Variants in DGKB observed in about 807,000 individuals in gnomAD.
DGKB encodes the protein 90 kDa diacylglycerol kinase.
Under a neutral mutation model 114.3 loss-of-function variants are expected in DGKB, and 67 were observed. The observed-to-expected ratio is 0.59, with a 90% CI of 0.48 to 0.72. The LOEUF (loss-of-function observed/expected upper bound fraction) is 0.72. Among genes scored for constraint, DGKB ranks in the 30% least tolerant of loss-of-function variants. The probability of loss-of-function intolerance (pLI) is 0.00; values close to 1 mark genes in which losing one functional copy is unlikely to be tolerated. For synonymous variants in DGKB, 398 were observed against 323.1 expected, an observed-to-expected ratio of 1.23 and a Z score of -2.49; for missense variants, 907 against 975.2, an observed-to-expected ratio of 0.93 and a Z score of 0.93.
At chr7:14,774,912 C>T (rs1000643192) in intron 2 of DGKB, among the ~76,000 whole-genome samples, 1 of 152,076 alleles carries the variant, frequency 6.6e-6, no homozygotes, top group Non-Finnish European at 1.5e-5. Flanking sequence ...TGCTATTAAG[C>T]TGAAGTGGCT....
At chr7:14,701,058 A>C (rs995330726) in intron 7 of DGKB, among the ~76,000 whole-genome samples, 23 of 152,116 alleles carry the variant, frequency 1.5e-4, no homozygotes, top group Admixed American at 1.1e-3. Context: ...CATATATTAC[A>C]AATAAACGTT....
At chr7:14,673,091 T>C (rs576893842) in intron 12 of DGKB, 64 bp from the exon 13 acceptor site, 8 of 882,052 alleles carry the variant, frequency 9.1e-6, no homozygotes, top group Non-Finnish European at 1.5e-5. Context: ...TGGGGGAGAT[T>C]ATATTTCAAT....
intron 23 of DGKB, among the ~76,000 whole-genome samples, chr7:14,226,651 C>T (rs535918811): frequency 5.3e-4 from 80 of 152,086 alleles, no homozygotes; most frequent in African/African-American, 1.8e-3. Context: ...ATGATTCATA[C>T]ACATATCAAA....
At chr7:14,943,863 C>T (rs1481602328) in intron 1 of DGKB, among the ~76,000 whole-genome samples, 1 of 151,856 alleles carries the variant, frequency 6.6e-6, no homozygotes. Flanking sequence ...AGTCAATTAA[C>T]TCCTTACCTG....
chr7:14,215,864 T>G (rs1788872432), intron 23 of DGKB, among the ~76,000 whole-genome samples: 1 of 152,192 alleles, frequency 6.6e-6, no homozygotes, highest in African/African-American at 2.4e-5. Context: ...AGTCAAACAT[T>G]AAAAAAATTT....
At chr7:14,363,609 C>T (rs771028880) in intron 21 of DGKB, among the ~76,000 whole-genome samples, 3 of 151,730 alleles carry the variant, frequency 2.0e-5, no homozygotes, top group Non-Finnish European at 2.9e-5. Flanking sequence ...TAGTGGGTTA[C>T]GGTTAGGTAT....
intron 17 of DGKB, among the ~76,000 whole-genome samples, chr7:14,591,379 A>G (rs1221232503): frequency 6.6e-6 from 1 of 152,054 alleles, no homozygotes; most frequent in African/African-American, 2.4e-5. Flanking sequence ...AATTTTTTTG[A>G]AATTAAAAAT....
intron 15 of DGKB, among the ~76,000 whole-genome samples, chr7:14,614,005 T>C (rs1806077677): frequency 6.6e-6 from 1 of 152,168 alleles, no homozygotes; most frequent in South Asian, 2.1e-4. Flanking sequence ...TAATCAAGTA[T>C]ATTTGCTAAG....
intron 8 of DGKB, among the ~76,000 whole-genome samples, chr7:14,697,757 A>AAAGAAAGC: frequency 6.9e-6 from 1 of 144,660 alleles, no homozygotes; most frequent in South Asian, 2.1e-4. Context: ...AGAAAGAAAG[A>AAAGAAAGC]AAGAAAGAAA....
chr7:14,729,296 G>A (rs1830544088), intron 5 of DGKB, among the ~76,000 whole-genome samples: 1 of 130,062 alleles, frequency 7.7e-6, no homozygotes, highest in Non-Finnish European at 1.8e-5. Flanking sequence ...CTAATTTTTT[G>A]TATTTTTAGT....
At chr7:14,472,059 ACTT>A (rs1250518915) in intron 21 of DGKB, among the ~76,000 whole-genome samples, 2 of 152,208 alleles carry the variant, frequency 1.3e-5, no homozygotes, top group Admixed American at 6.5e-5. Context: ...TTACTAGCTA[ACTT>A]CTTTTAGTTT....
intron 25 of DGKB, among the ~76,000 whole-genome samples, chr7:14,159,679 C>G (rs1173961617): frequency 6.6e-6 from 1 of 151,972 alleles, no homozygotes; most frequent in Non-Finnish European, 1.5e-5. Flanking sequence ...CACTGATATT[C>G]TTTTTTTGAG....
chr7:14,599,924 A>T (rs1381664259), intron 17 of DGKB, among the ~76,000 whole-genome samples: 1 of 152,154 alleles, frequency 6.6e-6, no homozygotes, highest in African/African-American at 2.4e-5. Flanking sequence ...AAAATATGTT[A>T]TTTATTAAAA....
chr7:14,797,548 G>C (rs752984510), intron 2 of DGKB, among the ~76,000 whole-genome samples: 1 of 152,046 alleles, frequency 6.6e-6, no homozygotes, highest in Non-Finnish European at 1.5e-5. Context: ...GATAAAATCA[G>C]GCTTTTTCAG....
intron 21 of DGKB, among the ~76,000 whole-genome samples, chr7:14,404,895 A>C (rs905234694): frequency 6.6e-6 from 1 of 151,820 alleles, no homozygotes; most frequent in Non-Finnish European, 1.5e-5. Flanking sequence ...GCCATTAAAC[A>C]CTAATGAAAC....
chr7:14,701,876 C>T, intron 6 of DGKB, 146 bp from the exon 7 acceptor site: 1 of 602,384 alleles, frequency 1.7e-6, no homozygotes, highest in Non-Finnish European at 3.0e-6. Flanking sequence ...GGGATTATTT[C>T]TCAAACTAAA....
chr7:14,779,520 A>G (rs1369177983), intron 2 of DGKB, among the ~76,000 whole-genome samples: 1 of 152,140 alleles, frequency 6.6e-6, no homozygotes, highest in Non-Finnish European at 1.5e-5. Context: ...TGGGCAACAG[A>G]AAAAAAAGAA....
At chr7:14,521,764 CTATT>C (rs1296613908) in intron 20 of DGKB, among the ~76,000 whole-genome samples, 1 of 152,084 alleles carries the variant, frequency 6.6e-6, no homozygotes, top group Non-Finnish European at 1.5e-5. Context: ...AATTCAGAAA[CTATT>C]TATACTGACT....
chr7:14,672,920 A>G lies in DGKB; in HGVS notation c.1134+9T>C. 1.3e-6 allele frequency: 2 copies of G among 1,523,378 alleles called. No individual in the cohort carries two copies. The highest frequency in any genetic ancestry group is 1.8e-6 in the Non-Finnish European group (2 of 1,118,948). 94.4% of individuals were successfully genotyped at this position (1,523,378 alleles called of 1,614,324 possible). A position where few individuals can be genotyped will look rare whatever the true frequency, so the allele number is the denominator to read the frequency against. ...CTAAGTTATAGTAGAATGATAAGGAAAAACTCACCAGTACCACTGGACAGA... is the reference window on the plus strand; with the variant it reads ...CTAAGTTATAGTAGAATGATAAGGAGAAACTCACCAGTACCACTGGACAGA... On this transcript the variant is annotated intron_variant, in intron 13 of 25. Coordinates refer to ENST00000402815, the MANE Select transcript of DGKB (RefSeq NM_001350709.2).
Sources: gnomAD v4.1 joint callset for allele counts (sites outside exome capture counted in the v4.1 genomes callset) on GRCh38, gnomAD v4.1.1 for gene constraint, MANE v1.5 for transcripts, NCBI Gene and HGNC (gene_info 2026-07-23, HGNC 2026-07-21) for gene names.